PRKCE: variants seen among roughly 807,000 people sequenced by gnomAD.
PRKCE encodes the protein protein kinase C epsilon.
PRKCE carries 16 observed loss-of-function variants against 85.4 expected under a neutral mutation model. The ratio of observed to expected loss-of-function variants is 0.19; its 90% CI spans 0.13 to 0.28. The LOEUF (loss-of-function observed/expected upper bound fraction) is 0.28, where lower values mean the gene tolerates loss of function less well. Ranked by LOEUF, PRKCE falls within the 10% of genes least tolerant of loss-of-function variation. The pLI is 1.00. For synonymous variants in PRKCE, 388 were observed against 371.5 expected, an observed-to-expected ratio of 1.04 and a Z score of -0.51; for missense variants, 573 against 975.2, an observed-to-expected ratio of 0.59 and a Z score of 5.49.
chr2:45,766,479 C>T (rs189203932), intron 1 of PRKCE, among the ~76,000 whole-genome samples: 7 of 152,086 alleles, frequency 4.6e-5, no homozygotes, highest in Admixed American at 2.0e-4. Flanking sequence ...TGGGTTAGAT[C>T]GGAGAGATTC....
At chr2:45,834,578 G>T (rs1426600054) in intron 1 of PRKCE, among the ~76,000 whole-genome samples, 1 of 149,890 alleles carries the variant, frequency 6.7e-6, no homozygotes, top group African/African-American at 2.5e-5. Flanking sequence ...CAGATCACGT[G>T]TGCGCATGTG....
intron 1 of PRKCE, among the ~76,000 whole-genome samples, chr2:45,827,433 C>A (rs528357615): frequency 1.3e-5 from 2 of 152,238 alleles, no homozygotes; most frequent in South Asian, 2.1e-4. Flanking sequence ...TGGTTCAGAT[C>A]GTGGTGTGGG....
intron 2 of PRKCE, among the ~76,000 whole-genome samples, chr2:45,860,629 G>A (rs941879949): frequency 2.6e-5 from 4 of 152,226 alleles, no homozygotes; most frequent in African/African-American, 9.7e-5. Flanking sequence ...GTGAGTGCTG[G>A]GGAGGGGGTG....
intron 2 of PRKCE, chr2:45,845,378 T>A (rs1691699814): frequency 7.3e-6 from 1 of 136,854 alleles, no homozygotes; most frequent in Non-Finnish European, 1.6e-5. Context: ...ACTAAGTATT[T>A]TTTTTTTTTT....
chr2:45,836,552 C>G (rs754631090), intron 1 of PRKCE, among the ~76,000 whole-genome samples: 1 of 152,214 alleles, frequency 6.6e-6, no homozygotes, highest in East Asian at 1.9e-4. Flanking sequence ...GTCCCCTGCT[C>G]TGTCCAGCTG....
In PRKCE at chr2:45,782,428, AT is replaced by A. The variant is rs1269348392; in HGVS notation, c.349-60571del. Reference sequence around the variant, plus strand: ...TTCGATTCTGATCCTCCATTTCCTTATCTTTAAAATAGGCCGAGAGTCCCCA... The same window carrying A: ...TTCGATTCTGATCCTCCATTTCCTTACTTTAAAATAGGCCGAGAGTCCCCA... On this transcript the variant is annotated intron_variant, in intron 1 of 14. Transcript: ENST00000306156. 3.9e-5 allele frequency among the ~76,000 whole-genome samples: 6 copies of A among 152,132 alleles called. No individual in the cohort carries two copies. In the East Asian group the frequency reaches 9.7e-4, roughly 25 times the overall value.
intron 11 of PRKCE, among the ~76,000 whole-genome samples, chr2:46,095,719 C>G (rs1425202236): frequency 6.6e-6 from 1 of 152,194 alleles, no homozygotes; most frequent in Non-Finnish European, 1.5e-5. Context: ...TTTCAAGATT[C>G]CAACATTGTG....
In PRKCE at chr2:45,875,856, T is replaced by C. The variant is rs1185557849; in HGVS notation, c.412+32793T>C. 4.6e-5 allele frequency among the ~76,000 whole-genome samples: 7 copies of C among 152,210 alleles called. No individual in the cohort carries two copies. The East Asian group carries it at 9.6e-4, about 21-fold the overall frequency. On this transcript the variant is annotated intron_variant, in intron 2 of 14. Coordinates refer to ENST00000306156, the MANE Select transcript of PRKCE (RefSeq NM_005400.3). The stretch of plus-strand genomic sequence containing the variant: ...AAACAAATGATGGATCTCCTCCTAC[T>C]TGAAGGTTCTGAGCACTTTTCCTAA...
chr2:45,843,153 T>A, intron 2 of PRKCE, 90 bp downstream of exon 2: 3 of 1,117,014 alleles, frequency 2.7e-6, no homozygotes, highest in Non-Finnish European at 2.7e-6. Context: ...CGGAACACAT[T>A]ATAGTGACAT....
chr2:45,680,480 CTG>C (rs1240986951), intron 1 of PRKCE, among the ~76,000 whole-genome samples: 1 of 152,162 alleles, frequency 6.6e-6, no homozygotes, highest in African/African-American at 2.4e-5. Context: ...GTTTCTTTAA[CTG>C]TTAGTTTTAT....
chr2:45,667,501 T>C (rs1378515271), intron 1 of PRKCE, among the ~76,000 whole-genome samples: 1 of 152,088 alleles, frequency 6.6e-6, no homozygotes, highest in Non-Finnish European at 1.5e-5. Context: ...ATAATAGACT[T>C]CCTTTGGGTA....
intron 1 of PRKCE, among the ~76,000 whole-genome samples, chr2:45,770,505 T>C (rs1014838890): frequency 6.6e-6 from 1 of 152,220 alleles, no homozygotes; most frequent in South Asian, 2.1e-4. Context: ...GACGGTTTAC[T>C]GTTTCCACAG....
chr2:46,094,002 GT>G (rs1165261150), intron 11 of PRKCE, among the ~76,000 whole-genome samples: 3 of 151,956 alleles, frequency 2.0e-5, no homozygotes, highest in Non-Finnish European at 4.4e-5. Context: ...ATATCTCTTT[GT>G]TTTCTATGTA....
intron 2 of PRKCE, among the ~76,000 whole-genome samples, chr2:45,871,488 T>C (rs1694082886): frequency 6.6e-6 from 1 of 152,226 alleles, no homozygotes; most frequent in African/African-American, 2.4e-5. Context: ...TTGATGAAAA[T>C]GCAAACTTGT....
intron 11 of PRKCE, among the ~76,000 whole-genome samples, chr2:46,133,683 C>T (rs1674683835): frequency 6.6e-6 from 1 of 151,972 alleles, no homozygotes; most frequent in Non-Finnish European, 1.5e-5. Context: ...GACCAATCAT[C>T]ATTTCGTTCT....
At chr2:45,690,310 T>C (rs890615544) in intron 1 of PRKCE, among the ~76,000 whole-genome samples, 1 of 152,094 alleles carries the variant, frequency 6.6e-6, no homozygotes, top group Non-Finnish European at 1.5e-5. Flanking sequence ...AGAAAAAAAA[T>C]AGTTGTTGCA....
intron 1 of PRKCE, among the ~76,000 whole-genome samples, chr2:45,705,427 C>A (rs2104297249): frequency 6.6e-6 from 1 of 152,268 alleles, no homozygotes. Flanking sequence ...GGAGTGACTG[C>A]CAGTTGGGGG....
At chr2:46,143,786 G>T (rs1675794460) in intron 11 of PRKCE, among the ~76,000 whole-genome samples, 1 of 152,206 alleles carries the variant, frequency 6.6e-6, no homozygotes, top group Non-Finnish European at 1.5e-5. Flanking sequence ...TTTGCTTACA[G>T]CAGCATATTT....
intron 1 of PRKCE, among the ~76,000 whole-genome samples, chr2:45,733,588 G>A (rs1681775447): frequency 1.3e-5 from 2 of 152,174 alleles, no homozygotes; most frequent in Admixed American, 1.3e-4. Flanking sequence ...GGGCTGGTCA[G>A]CACTGGCCTC....
Sources: allele counts gnomAD v4.1 joint callset (sites outside exome capture counted in the v4.1 genomes callset), GRCh38; gene constraint gnomAD v4.1.1; transcripts MANE v1.5; gene names NCBI Gene and HGNC (gene_info 2026-07-23, HGNC 2026-07-21).